The following HS3ST4 variants were observed in gnomAD, a reference collection of about 807,000 sequenced individuals.
HS3ST4 encodes the protein heparan sulfate-glucosamine 3-sulfotransferase 4.
HS3ST4 carries 17 observed loss-of-function variants against 29.2 expected under a neutral mutation model. The observed-to-expected ratio is 0.58, with a 90% CI of 0.40 to 0.87. The LOEUF is 0.87. Among genes scored for constraint, HS3ST4 ranks in the 40% least tolerant of loss-of-function variants. The pLI, the probability that HS3ST4 is intolerant of heterozygous loss-of-function variation, is 0.00. For missense variants in HS3ST4, 627 were observed against 634.5 expected (o/e 0.99, Z 0.13); for synonymous variants, 314 against 285.7 (o/e 1.10, Z -1.00).
chr16:26,057,102 A>G (rs914295391), intron 1 of HS3ST4, among the ~76,000 whole-genome samples: 2 of 152,212 alleles, frequency 1.3e-5, no homozygotes, highest in Non-Finnish European at 2.9e-5. Flanking sequence ...TTGGATTTTC[A>G]GATTTCAGAT....
At chr16:26,120,910 A>C (rs751902472) in intron 1 of HS3ST4, among the ~76,000 whole-genome samples, 3 of 152,246 alleles carry the variant, frequency 2.0e-5, no homozygotes, top group Non-Finnish European at 1.5e-5. Flanking sequence ...CTGAGAATAC[A>C]CAATGAAGAA....
At chr16:26,100,654 A>T (rs560619387) in intron 1 of HS3ST4, among the ~76,000 whole-genome samples, 1 of 152,274 alleles carries the variant, frequency 6.6e-6, no homozygotes, top group East Asian at 1.9e-4. Context: ...TTCCCCTCTG[A>T]TTTATGAAAA....
At chr16:25,891,790 T>C (rs1174823056) in intron 1 of HS3ST4, among the ~76,000 whole-genome samples, 2 of 152,218 alleles carry the variant, frequency 1.3e-5, no homozygotes. Flanking sequence ...GAAATTATTA[T>C]GATAGTGTTA....
chr16:26,017,887 C>T lies in HS3ST4; in HGVS notation c.735-117725C>T, dbSNP rs556362387. Reference sequence around the variant, plus strand: ...CCAATGGGAGATTTGGGACAGCCAGCGTTATGACAAGGACTGTCTGTACAG... The same window carrying T: ...CCAATGGGAGATTTGGGACAGCCAGTGTTATGACAAGGACTGTCTGTACAG... On this transcript the variant is annotated intron_variant, in intron 1 of 1. Transcript: ENST00000331351. 4.6e-5 allele frequency among the ~76,000 whole-genome samples: 7 copies of T among 152,230 alleles called. No homozygotes were observed. The South Asian group carries it at 1.0e-3, about 23-fold the overall frequency.
chr16:26,024,251 G>A (rs570245483), intron 1 of HS3ST4, among the ~76,000 whole-genome samples: 7 of 148,070 alleles, frequency 4.7e-5, no homozygotes, highest in African/African-American at 1.7e-4. Context: ...AAAAGGCAAT[G>A]TCTGTAAAGC....
rs1024371861 is a variant in HS3ST4 at position 25,692,408 on chromosome 16, G to C, written c.-10G>C. 11 of 899,050 alleles carry C rather than the reference G, an allele frequency of 1.2e-5. No homozygotes were observed. In the East Asian group the frequency reaches 3.1e-4, roughly 25 times the overall value. 55.7% of individuals were successfully genotyped at this position (899,050 alleles called of 1,614,324 possible). A position where few individuals can be genotyped will look rare whatever the true frequency, so the allele number is the denominator to read the frequency against. On this transcript the variant is annotated 5_prime_UTR_variant, in exon 1 of 2. Coordinates refer to ENST00000331351, the MANE Select transcript of HS3ST4 (RefSeq NM_006040.3). ...GCCGCCGCCGCCGCCGCCGCGAGCC[G>C]GGAGCCGCGATGGCCCGGTGGCCCG...
intron 1 of HS3ST4, among the ~76,000 whole-genome samples, chr16:26,111,822 A>G (rs1358634336): frequency 6.6e-6 from 1 of 152,140 alleles, no homozygotes; most frequent in African/African-American, 2.4e-5. Context: ...ATTGAGACCA[A>G]CTTGGCCAAC....
intron 1 of HS3ST4, among the ~76,000 whole-genome samples, chr16:25,889,934 C>T (rs535103188): frequency 1.4e-4 from 22 of 152,142 alleles, no homozygotes; most frequent in Non-Finnish European, 2.9e-4. Flanking sequence ...TTGCCTGCTG[C>T]CATGTAAGAT....
At chr16:25,972,633 A>G (rs1380335334) in intron 1 of HS3ST4, among the ~76,000 whole-genome samples, 2 of 152,218 alleles carry the variant, frequency 1.3e-5, no homozygotes, top group Non-Finnish European at 2.9e-5. Context: ...AGAGCGCCAG[A>G]AAGACAGAAG....
intron 1 of HS3ST4, among the ~76,000 whole-genome samples, chr16:25,914,538 T>A (rs1314613097): frequency 6.6e-6 from 1 of 150,966 alleles, no homozygotes; most frequent in Admixed American, 6.6e-5. Flanking sequence ...TGTATATGTG[T>A]GTATGTGTGT....
chr16:25,758,925 C>T (rs1966773117), intron 1 of HS3ST4, among the ~76,000 whole-genome samples: 1 of 151,388 alleles, frequency 6.6e-6, no homozygotes, highest in Non-Finnish European at 1.5e-5. Context: ...CACTGCCTTG[C>T]AGCCTGGGTA....
intron 1 of HS3ST4, among the ~76,000 whole-genome samples, chr16:25,831,687 G>A (rs1266110585): frequency 6.6e-6 from 1 of 152,166 alleles, no homozygotes; most frequent in East Asian, 1.9e-4. Flanking sequence ...GGCCCTGTCT[G>A]TTATGCCCAT....
intron 1 of HS3ST4, among the ~76,000 whole-genome samples, chr16:25,876,928 C>T (rs1967838960): frequency 6.6e-6 from 1 of 151,994 alleles, no homozygotes; most frequent in Non-Finnish European, 1.5e-5. Flanking sequence ...AGGTTTTTCT[C>T]CCCTACTAGG....
At chr16:25,995,798 T>G (rs1009707384) in intron 1 of HS3ST4, among the ~76,000 whole-genome samples, 2 of 152,176 alleles carry the variant, frequency 1.3e-5, no homozygotes, top group African/African-American at 4.8e-5. Context: ...AACACATACT[T>G]ACTCTGGTTG....
chr16:25,822,290 G>A (rs1027453330), intron 1 of HS3ST4, among the ~76,000 whole-genome samples: 1 of 152,098 alleles, frequency 6.6e-6, no homozygotes, highest in African/African-American at 2.4e-5. Flanking sequence ...CACTCAAGAG[G>A]TCTCTCTTGA....
At chr16:26,085,155 G>A (rs1898771253) in intron 1 of HS3ST4, among the ~76,000 whole-genome samples, 1 of 152,128 alleles carries the variant, frequency 6.6e-6, no homozygotes, top group African/African-American at 2.4e-5. Flanking sequence ...GTGAAATGAA[G>A]CCAGGATTTA....
intron 1 of HS3ST4, among the ~76,000 whole-genome samples, chr16:26,049,404 GAATGAT>G (rs1898309203): frequency 6.8e-6 from 1 of 148,052 alleles, no homozygotes; most frequent in African/African-American, 2.5e-5. Context: ...TACATCCGGA[GAATGAT>G]GTGGCTGTGA....
intron 1 of HS3ST4, among the ~76,000 whole-genome samples, chr16:25,764,469 G>C (rs568919778): frequency 6.6e-6 from 1 of 152,206 alleles, no homozygotes; most frequent in Non-Finnish European, 1.5e-5. Context: ...GTGTGTACAT[G>C]TGTGTGTGCC....
chr16:25,693,415 C>T (rs1567221418), intron 1 of HS3ST4, among the ~76,000 whole-genome samples: 1 of 152,192 alleles, frequency 6.6e-6, no homozygotes, highest in Non-Finnish European at 1.5e-5. Flanking sequence ...GAGGTGCTGT[C>T]TGAATCTGCC....
Sources: gnomAD v4.1 joint callset for allele counts (sites outside exome capture counted in the v4.1 genomes callset) on GRCh38, gnomAD v4.1.1 for gene constraint, MANE v1.5 for transcripts, NCBI Gene and HGNC (gene_info 2026-07-23, HGNC 2026-07-21) for gene names.